The following DCC variants were observed in gnomAD, a reference collection of about 807,000 sequenced individuals.
DCC encodes the protein DCC netrin 1 receptor.
Under a neutral mutation model 172.5 loss-of-function variants are expected in DCC, and 58 were observed. The observed-to-expected ratio is 0.34, with a 90% CI of 0.27 to 0.42. The LOEUF (loss-of-function observed/expected upper bound fraction) is 0.42. Among genes scored for constraint, DCC ranks in the 10% least tolerant of loss-of-function variants. The probability of loss-of-function intolerance (pLI) is 1.00; values close to 1 mark genes in which losing one functional copy is unlikely to be tolerated. For synonymous variants in DCC, 709 were observed against 644.5 expected (o/e 1.10, Z -1.52); for missense variants, 1,740 against 1,791.0 (o/e 0.97, Z 0.51).
At chr18:53,514,533 A>C (rs1391728495) in intron 27 of DCC, among the ~76,000 whole-genome samples, 1 of 152,224 alleles carries the variant, frequency 6.6e-6, no homozygotes, top group African/African-American at 2.4e-5. Context: ...AAGGATCAAC[A>C]AAATTGATAG....
intron 1 of DCC, among the ~76,000 whole-genome samples, chr18:52,738,170 G>A (rs1199505007): frequency 6.6e-6 from 1 of 152,128 alleles, no homozygotes; most frequent in Non-Finnish European, 1.5e-5. Context: ...GACAGAAAAT[G>A]TTATCAGTAT....
chr18:52,879,787 AGGT>A (rs1343814417), intron 2 of DCC, among the ~76,000 whole-genome samples: 1 of 152,120 alleles, frequency 6.6e-6, no homozygotes, highest in African/African-American at 2.4e-5. Context: ...CATAGACAAT[AGGT>A]AAACAAATGG....
chr18:53,153,057 T>G (rs1363513431), intron 7 of DCC, among the ~76,000 whole-genome samples: 1 of 152,050 alleles, frequency 6.6e-6, no homozygotes, highest in African/African-American at 2.4e-5. Flanking sequence ...CCTGGGTGGG[T>G]TGGAGATGCC....
In DCC at chr18:52,982,170, C is replaced by A. The variant is rs147026713; in HGVS notation, c.985+56800C>A. 6.6e-5 allele frequency among the ~76,000 whole-genome samples: 10 copies of A among 152,172 alleles called. No individual in the cohort carries two copies. In the East Asian group the frequency reaches 1.9e-3, roughly 29 times the overall value. On this transcript the variant is annotated intron_variant, in intron 5 of 28. Transcript: ENST00000442544. ...CCATGCTTCTAGATGATTAAATTTA[C>A]AGAGGGAGGATAGAGGGGCAGGATT...
rs71175533 is a variant in DCC, at chr18:52,879,412, C to CTTTTTTT, written c.413-26609_413-26603dup. 9.9e-3 allele frequency among the ~76,000 whole-genome samples: 616 copies of CTTTTTTT among 62,226 alleles called. 132 individuals carry two copies. Among genetic ancestry groups the CTTTTTTT allele is most frequent in the East Asian group, 0.028 (47 of 1,694 alleles). The allele number at this position is 62,226 out of a possible 152,430, so 40.8% of individuals were successfully genotyped here. A position where few individuals can be genotyped will look rare whatever the true frequency, so the allele number is the denominator to read the frequency against. ...AATTTCTAGCCCATATGTTGTTTGGCTTTTTTTTTTTTTTTTTTTTTTTTT... is the reference window on the plus strand; with the variant it reads ...AATTTCTAGCCCATATGTTGTTTGGCTTTTTTTTTTTTTTTTTTTTTTTTTTTTTTTT... On this transcript the variant is annotated intron_variant, in intron 2 of 28. Coordinates refer to ENST00000442544, the MANE Select transcript of DCC (RefSeq NM_005215.4).
At chr18:53,056,302 G>C (rs958078167) in intron 5 of DCC, among the ~76,000 whole-genome samples, 2 of 151,942 alleles carry the variant, frequency 1.3e-5, no homozygotes, top group African/African-American at 4.8e-5. Context: ...AACAGCATGG[G>C]GGAACTGCCC....
chr18:53,237,231 C>G (rs1444149563), intron 12 of DCC: 1 of 153,760 alleles, frequency 6.5e-6, no homozygotes, highest in Non-Finnish European at 1.5e-5. Context: ...CAATGCAAAG[C>G]CTATAGAAGA....
intron 12 of DCC, among the ~76,000 whole-genome samples, chr18:53,302,780 CTG>C (rs2057156124): frequency 6.6e-6 from 1 of 152,064 alleles, no homozygotes; most frequent in South Asian, 2.1e-4. Flanking sequence ...GATTCATGTT[CTG>C]TTGTTTTCTA....
intron 1 of DCC, among the ~76,000 whole-genome samples, chr18:52,703,022 G>C (rs1263957672): frequency 1.3e-5 from 2 of 152,110 alleles, no homozygotes; most frequent in Non-Finnish European, 2.9e-5. Context: ...TCCAAACATA[G>C]ACACTTCTCT....
At chr18:52,677,479 C>CT (rs1471954012) in intron 1 of DCC, among the ~76,000 whole-genome samples, 4 of 151,710 alleles carry the variant, frequency 2.6e-5, no homozygotes, top group Non-Finnish European at 5.9e-5. Context: ...TGTGATGCTT[C>CT]TTTTTTTATA....
intron 27 of DCC, among the ~76,000 whole-genome samples, chr18:53,520,072 T>C (rs1333757250): frequency 6.6e-6 from 1 of 151,992 alleles, no homozygotes; most frequent in Non-Finnish European, 1.5e-5. Context: ...ATAAACAAAG[T>C]GGGCTTTAAA....
intron 1 of DCC, among the ~76,000 whole-genome samples, chr18:52,494,851 C>G (rs1379609493): frequency 1.3e-5 from 2 of 151,976 alleles, no homozygotes; most frequent in Non-Finnish European, 2.9e-5. Flanking sequence ...TAATATTATC[C>G]TGTATCTTGT....
intron 2 of DCC, among the ~76,000 whole-genome samples, chr18:52,884,986 A>C (rs2039548226): frequency 6.6e-6 from 1 of 151,988 alleles, no homozygotes; most frequent in Admixed American, 6.6e-5. Context: ...ACTCTCATTC[A>C]TTTTCCTTAC....
At chr18:52,901,749 T>C (rs562841879) in intron 2 of DCC, among the ~76,000 whole-genome samples, 31 of 152,328 alleles carry the variant, frequency 2.0e-4, no homozygotes, top group Non-Finnish European at 3.8e-4. Context: ...TTTGGATGTC[T>C]GCAATACTCT....
intron 1 of DCC, among the ~76,000 whole-genome samples, chr18:52,488,659 G>A (rs1386335067): frequency 6.6e-6 from 1 of 152,068 alleles, no homozygotes; most frequent in Non-Finnish European, 1.5e-5. Flanking sequence ...CTAAAATGCT[G>A]TAAAAGTCTC....
At chr18:52,960,807 A>C (rs563823912) in intron 5 of DCC, among the ~76,000 whole-genome samples, 32 of 152,310 alleles carry the variant, frequency 2.1e-4, no homozygotes, top group African/African-American at 7.2e-4. Context: ...ATTGTTCAAA[A>C]TCAAGACCTT....
chr18:52,677,690 T>G (rs977327105), intron 1 of DCC, among the ~76,000 whole-genome samples: 1 of 152,080 alleles, frequency 6.6e-6, no homozygotes, highest in African/African-American at 2.4e-5. Context: ...ATTTTCCTTT[T>G]TTTCCTGTTT....
intron 1 of DCC, among the ~76,000 whole-genome samples, chr18:52,593,670 G>A (rs79489790): frequency 0.017 from 2,551 of 152,176 alleles, 26 homozygotes; most frequent in South Asian, 0.026. Context: ...CACGACAATC[G>A]ATATTTGGTG....
intron 27 of DCC, among the ~76,000 whole-genome samples, chr18:53,524,534 A>G (rs1307433450): frequency 6.6e-6 from 1 of 152,096 alleles, no homozygotes; most frequent in African/African-American, 2.4e-5. Context: ...ATAAGGTATG[A>G]TGCTTATAGC....
Sources: allele counts gnomAD v4.1 joint callset (sites outside exome capture counted in the v4.1 genomes callset), GRCh38; gene constraint gnomAD v4.1.1; transcripts MANE v1.5; gene names NCBI Gene and HGNC (gene_info 2026-07-23, HGNC 2026-07-21).